Variants in CD46 observed in about 807,000 individuals in gnomAD.
CD46 encodes the protein CD46 molecule.
Under a neutral mutation model 53.3 loss-of-function variants are expected in CD46, and 30 were observed. The observed-to-expected ratio is 0.56, with a 90% confidence interval of 0.42 to 0.76. CD46 has a LOEUF of 0.76. Ranked by LOEUF, CD46 falls within the 30% of genes least tolerant of loss-of-function variation. The pLI, the probability that CD46 is intolerant of heterozygous loss-of-function variation, is 0.00. For missense variants in CD46, 409 were observed against 463.0 expected (o/e 0.88, Z 1.07); for synonymous variants, 142 against 152.0 (o/e 0.93, Z 0.48).
rs1383336315 is a variant in CD46, at chr1:207,770,381, C to T, written c.943+19C>T. ...TATCCAGGTTGGTTAACTCTTTATCCTACTGATATTGTTAAGAATTTATTT... is the reference window on the plus strand; with the variant it reads ...TATCCAGGTTGGTTAACTCTTTATCTTACTGATATTGTTAAGAATTTATTT... On this transcript the variant is annotated intron_variant, in intron 8 of 12. Coordinates refer to ENST00000367042, the MANE Select transcript of CD46 (RefSeq NM_172351.3). 1.0e-5 allele frequency: 15 copies of T among 1,507,400 alleles called. No homozygotes were observed. Among genetic ancestry groups the T allele is most frequent in the Non-Finnish European group, 1.3e-5 (14 of 1,084,240 alleles). 93.4% of individuals were successfully genotyped at this position (1,507,400 alleles called of 1,614,324 possible). A position where few individuals can be genotyped will look rare whatever the true frequency, so the allele number is the denominator to read the frequency against.
In CD46 at chr1:207,752,357, T is replaced by C. The variant is rs775149019; in HGVS notation, c.97+48T>C. On this transcript the variant is annotated intron_variant, in intron 1 of 12. Transcript: ENST00000367042. The surrounding 1 kb of genome is among the most constrained non-coding windows in gnomAD (Gnocchi z 4.1). Reference sequence around the variant, plus strand: ...CGCGTCCGCGGCGAGACTAGAGCTCTCCTCAGTCGGGCAAGAGTCGCGGGG... The same window carrying C: ...CGCGTCCGCGGCGAGACTAGAGCTCCCCTCAGTCGGGCAAGAGTCGCGGGG... The C allele has an allele frequency of 1.3e-6, 2 of 1,555,110 alleles. No individual in the cohort carries two copies. The highest frequency in any genetic ancestry group is 3.3e-5 in the Admixed American group (2 of 59,950).
At chr1:207,767,628 A>G in intron 6 of CD46, 151 bp from the exon 7 acceptor site, 1 of 1,613,432 alleles carries the variant, frequency 6.2e-7, no homozygotes, top group Non-Finnish European at 8.5e-7. Flanking sequence ...TCTAGTACAA[A>G]ACCTCCAGCT....
intron 4 of CD46, chr1:207,759,932 A>G: frequency 6.2e-6 from 3 of 481,464 alleles, no homozygotes; most frequent in Non-Finnish European, 1.1e-5. Flanking sequence ...GTTTTTCCTA[A>G]GACACGGTCT....
intron 8 of CD46, among the ~76,000 whole-genome samples, chr1:207,774,225 C>A (rs754987486): frequency 1.5e-4 from 22 of 150,610 alleles, no homozygotes; most frequent in South Asian, 4.2e-4. Flanking sequence ...TTTTGCTTTC[C>A]ATTTGCTTGG....
At chr1:207,766,241 T>C (rs1186597241) in intron 5 of CD46, among the ~76,000 whole-genome samples, 2 of 152,156 alleles carry the variant, frequency 1.3e-5, no homozygotes, top group Non-Finnish European at 2.9e-5. Context: ...CATGATTATT[T>C]GCATTTGTCA....
chr1:207,792,203 G>C (rs1448871615), intron 12 of CD46, among the ~76,000 whole-genome samples: 2 of 152,120 alleles, frequency 1.3e-5, no homozygotes, highest in South Asian at 2.1e-4. Flanking sequence ...TTGAACCTGG[G>C]AGGAGGAGGT....
intron 8 of CD46, among the ~76,000 whole-genome samples, chr1:207,782,233 T>C (rs1377510740): frequency 6.6e-6 from 1 of 152,222 alleles, no homozygotes; most frequent in Non-Finnish European, 1.5e-5. Context: ...TGTTAGTGTA[T>C]AGAAATACAA....
chr1:207,781,928 T>G (rs998834753), intron 8 of CD46, among the ~76,000 whole-genome samples: 8 of 130,400 alleles, frequency 6.1e-5, no homozygotes, highest in African/African-American at 2.1e-4. Flanking sequence ...TTGGAATGGA[T>G]TTTTCTATTT....
intron 3 of CD46, among the ~76,000 whole-genome samples, 162 bp downstream of exon 3, chr1:207,757,804 A>G (rs1214882125): frequency 6.6e-6 from 1 of 152,240 alleles, no homozygotes; most frequent in African/African-American, 2.4e-5. Flanking sequence ...GGCAAGATAT[A>G]TAGTAAATAG....
chr1:207,769,065 C>A (rs1657173517), intron 7 of CD46: 1 of 152,188 alleles, frequency 6.6e-6, no homozygotes. Flanking sequence ...CAAGACCAGC[C>A]TGGCTAAGTT....
intron 8 of CD46, among the ~76,000 whole-genome samples, chr1:207,773,938 G>C (rs1353870882): frequency 6.6e-6 from 1 of 152,180 alleles, no homozygotes; most frequent in African/African-American, 2.4e-5. Context: ...GGATATCCTT[G>C]TTAACTTTCT....
chr1:207,774,204 A>G (rs879341986), intron 8 of CD46, among the ~76,000 whole-genome samples: 1 of 134,748 alleles, frequency 7.4e-6, no homozygotes, highest in African/African-American at 2.6e-5. Flanking sequence ...TAGAATTGCA[A>G]CCCCTTTTTT....
chr1:207,758,718 G>T (rs538870807), intron 3 of CD46, among the ~76,000 whole-genome samples: 8 of 152,266 alleles, frequency 5.3e-5, no homozygotes, highest in Admixed American at 3.9e-4. Flanking sequence ...GGAAAAATCA[G>T]CTGTGACTAT....
Position 207,794,770 on chromosome 1 carries a change from A to G in CD46, c.*1293A>G, listed in dbSNP as rs1007539062. 6.6e-5 allele frequency: 10 copies of G among 152,218 alleles called. No individual in the cohort carries two copies. The highest frequency in any genetic ancestry group is 2.6e-4 in the Admixed American group (4 of 15,284). 9.4% of individuals were successfully genotyped at this position (152,218 alleles called of 1,614,324 possible). A position where few individuals can be genotyped will look rare whatever the true frequency, so the allele number is the denominator to read the frequency against. ...CAGCCCTCTACTGAGTCCCTTAGCC[A>G]AGCAGTTTCTTTCAAAGAAGCCAGC... On this transcript the variant is annotated 3_prime_UTR_variant, in exon 13 of 13. Coordinates refer to ENST00000367042, the MANE Select transcript of CD46 (RefSeq NM_172351.3).
intron 8 of CD46, among the ~76,000 whole-genome samples, chr1:207,781,002 C>T (rs1210134251): frequency 1.3e-5 from 2 of 151,388 alleles, no homozygotes; most frequent in Non-Finnish European, 2.9e-5. Flanking sequence ...CCTGCAATAA[C>T]GACATTAGTC....
At chr1:207,790,814 T>A (rs937095880) in intron 12 of CD46, among the ~76,000 whole-genome samples, 1 of 152,250 alleles carries the variant, frequency 6.6e-6, no homozygotes, top group Non-Finnish European at 1.5e-5. Context: ...GGCTGGGATA[T>A]TTTTAGCATA....
At chr1:207,786,698 A>G (rs1469871149) in intron 11 of CD46, among the ~76,000 whole-genome samples, 1 of 152,218 alleles carries the variant, frequency 6.6e-6, no homozygotes, top group African/African-American at 2.4e-5. Flanking sequence ...GCTAAGTCAT[A>G]AAAGTACAAG....
intron 2 of CD46, 46 bp from the exon 3 acceptor site, chr1:207,757,494 C>CT (rs1056621338): frequency 8.1e-7 from 1 of 1,231,926 alleles, no homozygotes; most frequent in African/African-American, 1.5e-5. Flanking sequence ...TGATTCAGAT[C>CT]TGTTTTATAA....
At chr1:207,792,705 A>C (rs989045748) in intron 12 of CD46, among the ~76,000 whole-genome samples, 1 of 152,168 alleles carries the variant, frequency 6.6e-6, no homozygotes, top group African/African-American at 2.4e-5. Context: ...TATTAAAGTC[A>C]ATTTACTAAG....
Sources: gnomAD v4.1 joint callset for allele counts (sites outside exome capture counted in the v4.1 genomes callset) on GRCh38, gnomAD v4.1.1 for gene constraint, Gnocchi (gnomAD v3.1) non-coding constraint, MANE v1.5 for transcripts, NCBI Gene and HGNC (gene_info 2026-07-23, HGNC 2026-07-21) for gene names.